The following PKIG variants were observed in gnomAD, a reference collection of about 807,000 sequenced individuals.
The protein encoded by PKIG is protein kinase (cAMP-dependent, catalytic) inhibitor gamma.
PKIG carries 1 observed loss-of-function variant against 6.8 expected under a neutral mutation model. The observed-to-expected ratio is 0.15, with a 90% CI of 0.05 to 0.69. The LOEUF is 0.69. PKIG is among the 30% of genes least tolerant of loss of function. PKIG has a pLI of 0.82. For synonymous variants in PKIG, 39 were observed against 43.0 expected (o/e 0.91, Z 0.36); for missense variants, 77 against 104.0 (o/e 0.74, Z 1.13).
In PKIG at chr20:44,610,117, C is replaced by A. The variant is rs145291908; in HGVS notation, c.-23-4417C>A. On this transcript the variant is annotated intron_variant, in intron 2 of 3. Coordinates refer to ENST00000372886, the MANE Select transcript of PKIG (RefSeq NM_001281445.2). ...TCTTTTAGCCAAGGAGGAGCCAGAG[C>A]GTGACTAGGGCAGCGCGCAAGGCTG... is the stretch of plus-strand genomic sequence containing the variant. 4.0e-3 allele frequency among the ~76,000 whole-genome samples: 608 copies of A among 152,310 alleles called. 4 individuals carry two copies. The highest frequency in any genetic ancestry group is 8.1e-3 in the South Asian group (39 of 4,822).
upstream of PKIG, among the ~76,000 whole-genome samples, chr20:44,580,787 C>G (rs538207871): frequency 2.9e-4 from 44 of 152,296 alleles, no homozygotes; most frequent in African/African-American, 1.1e-3. Flanking sequence ...TTTCTGAGAA[C>G]TAATAAAAAT....
upstream of PKIG, among the ~76,000 whole-genome samples, chr20:44,580,503 G>A (rs560094478): frequency 9.2e-4 from 140 of 152,034 alleles, no homozygotes; most frequent in African/African-American, 3.2e-3. Context: ...ACGCCACCAC[G>A]CCTGACTAAT....
At chr20:44,557,046 T>G (rs2064719063) in intron 1 of PKIG, among the ~76,000 whole-genome samples, 1 of 151,830 alleles carries the variant, frequency 6.6e-6, no homozygotes, top group African/African-American at 2.4e-5. Flanking sequence ...AAGGGGGCCA[T>G]GCATCTATCT....
chr20:44,566,651 G>T (rs1458752210), intron 1 of PKIG, among the ~76,000 whole-genome samples: 1 of 152,178 alleles, frequency 6.6e-6, no homozygotes, highest in Non-Finnish European at 1.5e-5. Flanking sequence ...TTCGAGACCA[G>T]CCTGGCCAAC....
intron 1 of PKIG, among the ~76,000 whole-genome samples, chr20:44,542,661 A>G (rs2064572802): frequency 6.6e-6 from 1 of 152,130 alleles, no homozygotes; most frequent in Non-Finnish European, 1.5e-5. Flanking sequence ...ATCTTGGCTC[A>G]CTGCAGCCTC....
At chr20:44,565,085 T>A (rs955855713) in intron 1 of PKIG, among the ~76,000 whole-genome samples, 1 of 152,242 alleles carries the variant, frequency 6.6e-6, no homozygotes, top group African/African-American at 2.4e-5. Flanking sequence ...TGGGCGCTTA[T>A]GAAAATATTT....
At chr20:44,597,146 A>G (rs2065081933) in intron 2 of PKIG, among the ~76,000 whole-genome samples, 2 of 152,172 alleles carry the variant, frequency 1.3e-5, no homozygotes, top group African/African-American at 4.8e-5. Flanking sequence ...GACAGTGATC[A>G]TTAGCTAGAG....
intron 1 of PKIG, among the ~76,000 whole-genome samples, chr20:44,533,310 G>A (rs1441812166): frequency 6.6e-6 from 1 of 152,138 alleles, no homozygotes; most frequent in Non-Finnish European, 1.5e-5. Context: ...GACTGCAGGT[G>A]CACACCACTG....
chr20:44,544,058 C>T (rs1043192228), intron 1 of PKIG, among the ~76,000 whole-genome samples: 26 of 147,976 alleles, frequency 1.8e-4, no homozygotes, highest in African/African-American at 6.4e-4. Flanking sequence ...GAGCAAAACT[C>T]CGCCTCAAAA....
chr20:44,559,098 T>C (rs2064744707), intron 1 of PKIG, among the ~76,000 whole-genome samples: 1 of 152,208 alleles, frequency 6.6e-6, no homozygotes, highest in African/African-American at 2.4e-5. Context: ...CCTGTTTTTC[T>C]TCTTAAAATA....
At chr20:44,590,612 A>G in intron 2 of PKIG, among the ~76,000 whole-genome samples, 1 of 152,244 alleles carries the variant, frequency 6.6e-6, no homozygotes, top group East Asian at 1.9e-4. Flanking sequence ...TACTGGGTCC[A>G]CAGAGATCTT....
intron 1 of PKIG, among the ~76,000 whole-genome samples, chr20:44,537,575 T>C (rs2064523848): frequency 1.3e-5 from 2 of 151,172 alleles, no homozygotes; most frequent in African/African-American, 4.9e-5. Flanking sequence ...CCTGTAAATA[T>C]ACTTACTTTT....
intron 2 of PKIG, among the ~76,000 whole-genome samples, chr20:44,594,946 A>AC (rs952199109): frequency 3.9e-5 from 6 of 152,216 alleles, no homozygotes; most frequent in African/African-American, 7.2e-5. Context: ...TTTCCAAGCC[A>AC]CCCATCTTGT....
chr20:44,547,743 A>T (rs2064628856), intron 1 of PKIG, among the ~76,000 whole-genome samples: 1 of 152,186 alleles, frequency 6.6e-6, no homozygotes, highest in South Asian at 2.1e-4. Context: ...AACATCTTAA[A>T]CATAGCATTG....
chr20:44,573,570 G>A (rs1253221974), intron 1 of PKIG, among the ~76,000 whole-genome samples: 2 of 152,174 alleles, frequency 1.3e-5, no homozygotes, highest in African/African-American at 4.8e-5. Context: ...GGACTATACC[G>A]AACAAATGGA....
At chr20:44,537,401 C>G (rs369318142) in intron 1 of PKIG, among the ~76,000 whole-genome samples, 2 of 151,924 alleles carry the variant, frequency 1.3e-5, no homozygotes, top group South Asian at 2.1e-4. Context: ...CTGCTCCTGG[C>G]ATTTTTGTAT....
At position 44,610,462 on chromosome 20, in the gene PKIG, T is replaced by TTCTCTC. The variant is rs146920514; in HGVS notation, c.-23-4054_-23-4049dup. On this transcript the variant is annotated intron_variant, in intron 2 of 3. Coordinates refer to ENST00000372886, the MANE Select transcript of PKIG (RefSeq NM_001281445.2). ...CTGATCCTCTTCTCTGTCTCTCTCT[T>TTCTCTC]TCTCTCTCTCTCTCTCTCTCTCTTC... 2.9e-3 allele frequency among the ~76,000 whole-genome samples: 357 copies of TTCTCTC among 123,310 alleles called. 2 individuals carry two copies. The highest frequency in any genetic ancestry group is 0.02 in the East Asian group (87 of 4,310). 80.9% of individuals were successfully genotyped at this position (123,310 alleles called of 152,430 possible).
At chr20:44,558,588 T>TTCTTTCTTTCTTTC (rs2064737692) in intron 1 of PKIG, among the ~76,000 whole-genome samples, 1 of 149,878 alleles carries the variant, frequency 6.7e-6, no homozygotes, top group South Asian at 2.1e-4. Context: ...CTTTCTTTCT[T>TTCTTTCTTTCTTTC]TCTTTCTTTC....
intron 1 of PKIG, among the ~76,000 whole-genome samples, chr20:44,571,673 A>G (rs576784098): frequency 1.3e-5 from 2 of 152,376 alleles, no homozygotes; most frequent in South Asian, 2.1e-4. Context: ...TGCTTTTGCT[A>G]TAAAAACAAG....
Sources: allele counts gnomAD v4.1 joint callset (sites outside exome capture counted in the v4.1 genomes callset), GRCh38; gene constraint gnomAD v4.1.1; transcripts MANE v1.5; gene names NCBI Gene and HGNC (gene_info 2026-07-23, HGNC 2026-07-21).